The following GPRASP1 variants were observed in gnomAD, a reference collection of about 807,000 sequenced individuals.
GPRASP1 encodes the protein G protein-coupled receptor-associated sorting protein 1.
A neutral mutation model predicts 68.4 loss-of-function variants in GPRASP1; 28 were observed. The ratio of observed to expected loss-of-function variants is 0.41; its 90% confidence interval spans 0.30 to 0.56. GPRASP1 has a LOEUF of 0.56. Ranked by LOEUF, GPRASP1 falls within the 20% of genes least tolerant of loss-of-function variation. The pLI, the probability that GPRASP1 is intolerant of heterozygous loss-of-function variation, is 0.29. For missense variants in GPRASP1, 913 were observed against 1,031.5 expected (o/e 0.89, Z 1.57); for synonymous variants, 304 against 358.2 (o/e 0.85, Z 1.71).
In GPRASP1 at chrX:102,658,151, T is replaced by C; in HGVS notation, c.*50T>C. ...TTGTCCTTATGTTCCTGAGTTATGA[T>C]CCTTGAGTAATGCTTTGATTTTAAT... is the stretch of plus-strand genomic sequence containing the variant. On this transcript the variant is annotated 3_prime_UTR_variant, in exon 6 of 6. Coordinates refer to ENST00000537097, the MANE Select transcript of GPRASP1 (RefSeq NM_001184727.2). 1 of 588,125 alleles carries C rather than the reference T, an allele frequency of 1.7e-6. No homozygotes were observed. The highest frequency in any genetic ancestry group is 2.7e-6 in the Non-Finnish European group (1 of 369,149). The allele number at this position is 588,125 out of a possible 1,213,427, so 48.5% of individuals were successfully genotyped here. A position where few individuals can be genotyped will look rare whatever the true frequency, so the allele number is the denominator to read the frequency against.
In GPRASP1 at chrX:102,655,786, G is replaced by C. The variant is rs1451367917; in HGVS notation, c.1873G>C (p.Val625Leu). 8.3e-7 allele frequency: 1 copy of C among 1,211,168 alleles called. No individual in the cohort carries two copies. The highest frequency in any genetic ancestry group is 2.2e-5 in the Admixed American group (1 of 46,008). Residue 625 changes from valine (V) to leucine (L), a missense_variant, in exon 6 of 6, where the codon GTG becomes CTG. Coordinates refer to ENST00000537097, the MANE Select transcript of GPRASP1 (RefSeq NM_001184727.2). Reference sequence around the variant, plus strand: ...GTTTTGGACCAGAGTAGAAGCTTGTGTGGAGGGTGATGTCAACAGCAAGTC... The same window carrying C: ...GTTTTGGACCAGAGTAGAAGCTTGTCTGGAGGGTGATGTCAACAGCAAGTC... Reference protein sequence around the residue: ...SWFWTRVEACVEGDVNSKSSL... With the variant: ...SWFWTRVEACLEGDVNSKSSL...
In GPRASP1 at chrX:102,658,392, G is replaced by GTA. The variant is rs757912139; in HGVS notation, c.*305_*306dup. ...CCACCCTTCTGATTGTCGTTCTACT[G>GTA]TATATATATATATATTTGAGTGTTG... On this transcript the variant is annotated 3_prime_UTR_variant, in exon 6 of 6. Coordinates refer to ENST00000537097, the MANE Select transcript of GPRASP1 (RefSeq NM_001184727.2). 0.021 allele frequency: 3,694 copies of GTA among 177,838 alleles called. 98 individuals carry two copies. Among genetic ancestry groups the GTA allele is most frequent in the African/African-American group, 0.097 (3,105 of 31,989 alleles). The allele number at this position is 177,838 out of a possible 1,213,427, so 14.7% of individuals were successfully genotyped here.
Position 102,655,277 on chromosome X carries a change from C to T in GPRASP1, c.1364C>T (p.Ser455Phe). Reference protein sequence around the residue: ...ASMGTGASSKSRPRTDGERIG... With the variant: ...ASMGTGASSKFRPRTDGERIG... Reference sequence around the variant, plus strand: ...ATGGGGACTGGGGCTAGCAGTAAATCCAGACCAAGGACTGATGGGGAGCGT... The same window carrying T: ...ATGGGGACTGGGGCTAGCAGTAAATTCAGACCAAGGACTGATGGGGAGCGT... Residue 455 changes from serine to phenylalanine, a missense_variant, in exon 6 of 6, where the codon TCC becomes TTC. Transcript: ENST00000537097. The T allele has an allele frequency of 8.3e-7, 1 of 1,211,796 alleles. No homozygotes were observed. Among genetic ancestry groups the T allele is most frequent in the Non-Finnish European group, 1.1e-6 (1 of 895,468 alleles).
Position 102,657,485 on chromosome X carries a change from T to C in GPRASP1, c.3572T>C (p.Phe1191Ser). Residue 1191 changes from phenylalanine to serine, a missense_variant, in exon 6 of 6, where the codon TTC becomes TCC. Phe to Ser is a radical substitution (Grantham distance 155). Coordinates refer to ENST00000537097, the MANE Select transcript of GPRASP1 (RefSeq NM_001184727.2). ...MRSASQFTRD[F>S]IRDSGVVSLI... is the part of the protein sequence containing the mutation. ...AGTGCTTCTCAATTTACCCGAGATT[T>C]CATTCGAGATTCAGGTGTTGTCTCA... 1 of 1,211,994 alleles carries C rather than the reference T, an allele frequency of 8.3e-7. No homozygotes were observed. Among genetic ancestry groups the C allele is most frequent in the East Asian group, 3.0e-5 (1 of 33,873 alleles).
rs749573637 is a variant in GPRASP1, at chrX:102,654,344, C to G, written c.431C>G (p.Thr144Arg). The change falls in exon 6 of 6, where the codon ACA becomes AGA. Residue 144 changes from threonine (T) to arginine (R), a missense_variant. Thr to Arg is a moderately conservative substitution (Grantham distance 71). Coordinates refer to ENST00000537097, the MANE Select transcript of GPRASP1 (RefSeq NM_001184727.2). ...YLSEDRELVN[T>R]DTESFPRRKA... ...TCTGAGGATAGAGAACTGGTTAATA[C>G]AGACACTGAGAGCTTTCCTAGAAGG... 22 of 1,210,943 alleles carry G rather than the reference C, an allele frequency of 1.8e-5. No individual in the cohort carries two copies. The highest frequency in any genetic ancestry group is 2.3e-4 in the Middle Eastern group (1 of 4,349).
Position 102,656,888 on chromosome X carries a change from G to T in GPRASP1, c.2975G>T (p.Arg992Met). 1.7e-6 allele frequency: 2 copies of T among 1,209,773 alleles called. No individual in the cohort carries two copies. The highest frequency in any genetic ancestry group is 5.9e-5 in the East Asian group (2 of 33,767). The change falls in exon 6 of 6, where the codon AGG (arginine) becomes ATG (methionine). Residue 992 changes from arginine to methionine, a missense_variant. By Grantham distance (91) the Arg-to-Met change is moderately conservative. Transcript: ENST00000537097. ...RTDNGSNCGSRTLADEDEAIV... is the reference protein window; with the variant it reads ...RTDNGSNCGSMTLADEDEAIV... ...GACAATGGAAGCAACTGTGGGTCCA[G>T]GACATTAGCTGATGAAGATGAGGCC...
Position 102,657,755 on chromosome X carries a change from T to G in GPRASP1, c.3842T>G (p.Phe1281Cys). The G allele has an allele frequency of 8.3e-7, 1 of 1,204,892 alleles. No homozygotes were observed. Among genetic ancestry groups the G allele is most frequent in the Non-Finnish European group, 1.1e-6 (1 of 889,216 alleles). The change falls in exon 6 of 6, where the codon TTT becomes TGT. Residue 1281 changes from phenylalanine (F) to cysteine (C), a missense_variant. By Grantham distance (205) the Phe-to-Cys change is radical. Transcript: ENST00000537097. Reference sequence around the variant, plus strand: ...CTGGTTGCCAATTATATGTCTGGGTTTCTCTCCTTATTAGCTACAGGCAAT... The same window carrying G: ...CTGGTTGCCAATTATATGTCTGGGTGTCTCTCCTTATTAGCTACAGGCAAT... ...HTLVANYMSG[F>C]LSLLATGNAK... is the part of the protein sequence containing the mutation.
At position 102,653,970 on chromosome X, in the gene GPRASP1, G is replaced by A; in HGVS notation, c.57G>A (p.Gly19=). 1 of 1,211,682 alleles carries A rather than the reference G, an allele frequency of 8.3e-7. No individual in the cohort carries two copies. Among genetic ancestry groups the A allele is most frequent in the Non-Finnish European group, 1.1e-6 (1 of 895,268 alleles). ...AGGTCAAGCCTGAAAAGAAGCCTGG[G>A]GAAGAGGTTGTAGGTGGGGCTGAGA... ...GAQVKPEKKP[G]EEVVGGAEIE... is the part of the protein sequence containing the mutation. The change falls in exon 6 of 6, where the codon GGG becomes GGA. Residue 19 remains glycine, a synonymous_variant. Coordinates refer to ENST00000537097, the MANE Select transcript of GPRASP1 (RefSeq NM_001184727.2).
intron 2 of GPRASP1, among the ~76,000 whole-genome samples, 162 bp from the exon 3 acceptor site, chrX:102,652,013 C>G (rs763427028): frequency 1.7e-3 from 192 of 112,445 alleles, no homozygotes; most frequent in South Asian, 4.0e-3. Flanking sequence ...TGGGGGGGCC[C>G]TCGTGGGCCA....
rs1375854417 is a variant in GPRASP1 at position 102,658,711 on chromosome X, G to A, written c.*610G>A. On this transcript the variant is annotated 3_prime_UTR_variant, in exon 6 of 6. Coordinates refer to ENST00000537097, the MANE Select transcript of GPRASP1 (RefSeq NM_001184727.2). The stretch of plus-strand genomic sequence containing the variant: ...ATGGAGTTAGGAAAAATTTTCCTAT[G>A]GGAGTGAGGTATCCTGTTTGCCTAG... 1 of 121,104 alleles carries A rather than the reference G, an allele frequency of 8.3e-6. No homozygotes were observed. Among genetic ancestry groups the A allele is most frequent in the Non-Finnish European group, 1.9e-5 (1 of 52,862 alleles). The allele number at this position is 121,104 out of a possible 1,213,427, so 10.0% of individuals were successfully genotyped here.
In GPRASP1 at chrX:102,656,513, G is replaced by T; in HGVS notation, c.2600G>T (p.Gly867Val). ...GGAGTCGGCTTTGAGTCAAAGCCTG[G>T]GACTGAGGAGGAAGAAATCACTGTT... is the stretch of plus-strand genomic sequence containing the variant. ...VAGVGFESKP[G>V]TEEEEITVGS... The change falls in exon 6 of 6, where the codon GGG becomes GTG. Residue 867 changes from glycine to valine, a missense_variant. Gly to Val is a moderately radical substitution (Grantham distance 109, BLOSUM62 -3). Coordinates refer to ENST00000537097, the MANE Select transcript of GPRASP1 (RefSeq NM_001184727.2). The T allele has an allele frequency of 8.3e-7, 1 of 1,210,409 alleles. No individual in the cohort carries two copies. The highest frequency in any genetic ancestry group is 1.1e-6 in the Non-Finnish European group (1 of 894,851).
Position 102,654,193 on chromosome X carries a change from A to G in GPRASP1, c.280A>G (p.Met94Val). The G allele has an allele frequency of 5.8e-6, 7 of 1,212,481 alleles. No individual in the cohort carries two copies. The highest frequency in any genetic ancestry group is 7.8e-6 in the Non-Finnish European group (7 of 895,622). Residue 94 changes from methionine (M) to valine (V), a missense_variant, in exon 6 of 6, where the codon ATG becomes GTG. Physicochemically the swap from Met to Val is conservative, Grantham distance 21 (BLOSUM62 1). Transcript: ENST00000537097. ...PVSRFKEEAQ[M>V]WAQPRFGAER... The stretch of plus-strand genomic sequence containing the variant: ...TTCACGATTTAAGGAAGAAGCCCAG[A>G]TGTGGGCTCAGCCCAGGTTTGGTGC...
rs2081377422 is a variant in GPRASP1, at chrX:102,653,651, A to T, written c.-263A>T. 3.0e-6 allele frequency: 1 copy of T among 334,883 alleles called. No homozygotes were observed. The highest frequency in any genetic ancestry group is 2.6e-5 in the African/African-American group (1 of 38,775). The allele number at this position is 334,883 out of a possible 1,213,427, so 27.6% of individuals were successfully genotyped here. ...AACCACCCTCAACGGGTCTGCACCC[A>T]TCCAGGAAATCTCTGTCTTCCTCAA... On this transcript the variant is annotated 5_prime_UTR_variant, in exon 6 of 6. Transcript: ENST00000537097.
At position 102,653,662 on chromosome X, in the gene GPRASP1, C is replaced by T. The variant is rs1487242279; in HGVS notation, c.-252C>T. ...ACGGGTCTGCACCCATCCAGGAAATCTCTGTCTTCCTCAAGCTTGGTTGTG... is the reference window on the plus strand; with the variant it reads ...ACGGGTCTGCACCCATCCAGGAAATTTCTGTCTTCCTCAAGCTTGGTTGTG... On this transcript the variant is annotated 5_prime_UTR_variant, in exon 6 of 6. Coordinates refer to ENST00000537097, the MANE Select transcript of GPRASP1 (RefSeq NM_001184727.2). 2.9e-6 allele frequency: 1 copy of T among 344,791 alleles called. No homozygotes were observed. Among genetic ancestry groups the T allele is most frequent in the East Asian group, 4.5e-5 (1 of 22,143 alleles). 28.4% of individuals were successfully genotyped at this position (344,791 alleles called of 1,213,427 possible).
Position 102,657,997 on chromosome X carries a change from A to G in GPRASP1, c.4084A>G (p.Ile1362Val), listed in dbSNP as rs374958828. 1 of 1,193,578 alleles carries G rather than the reference A, an allele frequency of 8.4e-7. No individual in the cohort carries two copies. Among genetic ancestry groups the G allele is most frequent in the Non-Finnish European group, 1.1e-6 (1 of 880,494 alleles). ...AGTGTTCTCTGATGATGATTTCAATATTGAGCCGCTTATTTCTGCATTCCA... is the reference window on the plus strand; with the variant it reads ...AGTGTTCTCTGATGATGATTTCAATGTTGAGCCGCTTATTTCTGCATTCCA... ...ETVFSDDDFN[I>V]EPLISAFHKV... Residue 1362 changes from isoleucine (I) to valine (V), a missense_variant, in exon 6 of 6, where the codon ATT (isoleucine) becomes GTT (valine). By Grantham distance (29) the Ile-to-Val change is conservative. Coordinates refer to ENST00000537097, the MANE Select transcript of GPRASP1 (RefSeq NM_001184727.2).
At position 102,655,530 on chromosome X, in the gene GPRASP1, G is replaced by T. The variant is rs750968980; in HGVS notation, c.1617G>T (p.Glu539Asp). ...AATCTGGTGTTGGGGTCAGCTGTGA[G>T]TCCAGGACAAGGTCTGAGGAAGAAG... ...SVESGVGVSC[E>D]SRTRSEEEEV... Residue 539 changes from glutamate (E) to aspartate (D), a missense_variant, in exon 6 of 6, where the codon GAG (glutamate) becomes GAT (aspartate). By Grantham distance (45) the Glu-to-Asp change is conservative. Transcript: ENST00000537097. 25 of 1,209,510 alleles carry T rather than the reference G, an allele frequency of 2.1e-5. No individual in the cohort carries two copies. In the East Asian group the frequency reaches 3.9e-4, roughly 19 times the overall value.
Position 102,653,210 on chromosome X carries a change from C to A in GPRASP1, c.-412-11C>A, listed in dbSNP as rs2081372002. 9.0e-6 allele frequency: 1 copy of A among 111,637 alleles called. No homozygotes were observed. Among genetic ancestry groups the A allele is most frequent in the Non-Finnish European group, 1.9e-5 (1 of 53,143 alleles). The allele number at this position is 111,637 out of a possible 1,213,427, so 9.2% of individuals were successfully genotyped here. A position where few individuals can be genotyped will look rare whatever the true frequency, so the allele number is the denominator to read the frequency against. On this transcript the variant is annotated splice_polypyrimidine_tract_variant and intron_variant, in intron 4 of 5. Coordinates refer to ENST00000537097, the MANE Select transcript of GPRASP1 (RefSeq NM_001184727.2). ...TTCTCCATTCTCTCCTGTATGTTTA[C>A]TTGTCTGTAGGACCCCCTTCTGTCA...
Position 102,653,437 on chromosome X carries a change from A to AT in GPRASP1, c.-335+140dup, listed in dbSNP as rs777650377. On this transcript the variant is annotated intron_variant, in intron 5 of 5. Coordinates refer to ENST00000537097, the MANE Select transcript of GPRASP1 (RefSeq NM_001184727.2). ...TTCCCACCATTGTTGGACCTGTTTA[A>AT]TAGGAGGCAGCCGGTCCAGAGAGAC... The AT allele has an allele frequency of 7.8e-3, 911 of 116,893 alleles. 9 individuals are homozygous for AT. Among genetic ancestry groups the AT allele is most frequent in the African/African-American group, 0.028 (871 of 30,725 alleles). The allele number at this position is 116,893 out of a possible 1,213,427, so 9.6% of individuals were successfully genotyped here.
chrX:102,656,335 G>A lies in GPRASP1; in HGVS notation c.2422G>A (p.Glu808Lys), dbSNP rs2081411788. The part of the protein sequence containing the change: ...REEDRLAAEK[E>K]GIVGSWFGAR... ...AGAAGACAGGCTAGCAGCTGAGAAA[G>A]AAGGTATTGTTGGGTCCTGGTTTGG... is the stretch of plus-strand genomic sequence containing the variant. Residue 808 changes from glutamate to lysine, a missense_variant, in exon 6 of 6, where the codon GAA becomes AAA. Physicochemically the swap from Glu to Lys is moderately conservative, Grantham distance 56. Coordinates refer to ENST00000537097, the MANE Select transcript of GPRASP1 (RefSeq NM_001184727.2). The A allele has an allele frequency of 1.7e-6, 2 of 1,192,826 alleles. No homozygotes were observed. The highest frequency in any genetic ancestry group is 3.6e-5 in the African/African-American group (2 of 56,273).
Sources: allele counts gnomAD v4.1 joint callset (sites outside exome capture counted in the v4.1 genomes callset), GRCh38; gene constraint gnomAD v4.1.1; transcripts MANE v1.5; gene names NCBI Gene and HGNC (gene_info 2026-07-23, HGNC 2026-07-21).